Variants in GALNT7 observed in about 807,000 individuals in gnomAD.
GALNT7 encodes the protein polypeptide N-acetylgalactosaminyltransferase 7.
In GALNT7, 60 loss-of-function variants were observed where a neutral mutation model predicts 82.1. The observed-to-expected ratio is 0.73, with a 90% CI of 0.59 to 0.91. GALNT7 has a LOEUF of 0.91. Among genes scored for constraint, GALNT7 ranks in the 40% least tolerant of loss-of-function variants. GALNT7 has a pLI of 0.00. For synonymous variants in GALNT7, 243 were observed against 275.1 expected, an observed-to-expected ratio of 0.88 and a Z score of 1.15; for missense variants, 660 against 804.2, an observed-to-expected ratio of 0.82 and a Z score of 2.17.
intron 1 of GALNT7, among the ~76,000 whole-genome samples, chr4:173,242,566 C>A (rs932807930): frequency 3.9e-5 from 6 of 152,218 alleles, no homozygotes; most frequent in African/African-American, 1.4e-4. Context: ...ATTCCTTGAC[C>A]ATGCCCAGCA....
intron 1 of GALNT7, among the ~76,000 whole-genome samples, chr4:173,216,725 A>ATCTTTTTTTTTTTTT (rs1277080433): frequency 1.2e-4 from 1 of 8,460 alleles, no homozygotes; most frequent in Non-Finnish European, 5.9e-4. Flanking sequence ...ATATATATAT[A>ATCTTTTTTTTTTTTT]TATTTTTTTT....
intron 1 of GALNT7, among the ~76,000 whole-genome samples, chr4:173,176,296 A>C (rs1732040928): frequency 6.6e-6 from 1 of 152,076 alleles, no homozygotes; most frequent in African/African-American, 2.4e-5. Context: ...GAGTTTGTTG[A>C]GTTTGGAGGT....
At chr4:173,193,723 A>G (rs1346499399) in intron 1 of GALNT7, among the ~76,000 whole-genome samples, 1 of 152,132 alleles carries the variant, frequency 6.6e-6, no homozygotes. Context: ...CTCCCAAATA[A>G]TGAGTAGTGT....
intron 1 of GALNT7, among the ~76,000 whole-genome samples, chr4:173,229,930 C>G (rs1356409357): frequency 6.6e-6 from 1 of 151,972 alleles, no homozygotes; most frequent in African/African-American, 2.4e-5. Flanking sequence ...TTGACTGACA[C>G]ATTGGCAGGC....
intron 11 of GALNT7, among the ~76,000 whole-genome samples, chr4:173,319,526 CAA>C (rs3836662): frequency 1.4e-5 from 2 of 147,206 alleles, no homozygotes; most frequent in East Asian, 2.0e-4. Context: ...TTTATTTTCA[CAA>C]AAAAAAAGGA....
At chr4:173,254,420 T>C (rs1476084315) in intron 2 of GALNT7, among the ~76,000 whole-genome samples, 1 of 152,224 alleles carries the variant, frequency 6.6e-6, no homozygotes, top group African/African-American at 2.4e-5. Flanking sequence ...TGCTATAATT[T>C]ATAAAATGGT....
chr4:173,270,341 T>C (rs1245478237), intron 2 of GALNT7, among the ~76,000 whole-genome samples: 1 of 152,204 alleles, frequency 6.6e-6, no homozygotes, highest in Non-Finnish European at 1.5e-5. Context: ...ATTGCTCCTA[T>C]GAAATCTTGA....
At chr4:173,186,117 G>T (rs1270368850) in intron 1 of GALNT7, among the ~76,000 whole-genome samples, 1 of 152,156 alleles carries the variant, frequency 6.6e-6, no homozygotes, top group African/African-American at 2.4e-5. Flanking sequence ...TCATGGGGTT[G>T]GGGAGTCTGA....
chr4:173,232,300 G>T (rs190317666), intron 1 of GALNT7, among the ~76,000 whole-genome samples: 1 of 152,086 alleles, frequency 6.6e-6, no homozygotes, highest in Admixed American at 6.5e-5. Context: ...ACATATACTA[G>T]AAAGCAGTGG....
chr4:173,191,026 G>C (rs1192113477), intron 1 of GALNT7, among the ~76,000 whole-genome samples: 1 of 151,734 alleles, frequency 6.6e-6, no homozygotes, highest in Non-Finnish European at 1.5e-5. Context: ...AGCATTGAGA[G>C]GTAGGTCTTA....
At chr4:173,176,285 G>C (rs73870531) in intron 1 of GALNT7, among the ~76,000 whole-genome samples, 2,372 of 152,236 alleles carry the variant, frequency 0.016, 51 homozygotes, top group African/African-American at 0.053. Context: ...CAGTATGGCC[G>C]GAGTTTGTTG....
intron 1 of GALNT7, among the ~76,000 whole-genome samples, chr4:173,210,057 C>G (rs536335185): frequency 6.6e-6 from 1 of 152,108 alleles, no homozygotes; most frequent in South Asian, 2.1e-4. Flanking sequence ...TCGCTTGAAC[C>G]CGGGAGGCCG....
Position 173,242,525 on chromosome 4 carries a change from C to T in GALNT7, c.127-5455C>T, listed in dbSNP as rs953590164. 5.9e-5 allele frequency among the ~76,000 whole-genome samples: 9 copies of T among 152,296 alleles called. 1 individual carries two copies. Among genetic ancestry groups the T allele is most frequent in the Admixed American group, 5.9e-4 (9 of 15,310 alleles). On this transcript the variant is annotated intron_variant, in intron 1 of 11. Transcript: ENST00000265000. ...GGTAAGGTCTCTGTTTAATCTTGGG[C>T]TTATCCATTTTAAGCCCTGATTAAG... is the stretch of plus-strand genomic sequence containing the variant.
intron 1 of GALNT7, among the ~76,000 whole-genome samples, chr4:173,191,577 G>A (rs76666164): frequency 0.014 from 2,109 of 152,278 alleles, 42 homozygotes; most frequent in East Asian, 0.062. Context: ...AGTTCAGCTG[G>A]AAGATATTGT....
intron 2 of GALNT7, among the ~76,000 whole-genome samples, chr4:173,258,619 T>C (rs1735131117): frequency 6.6e-6 from 1 of 152,228 alleles, no homozygotes; most frequent in African/African-American, 2.4e-5. Flanking sequence ...TTAAATGTAC[T>C]ATCTCCTGTG....
In GALNT7 at chr4:173,215,955, AAAAAAT is replaced by A. The variant is rs1485342957; in HGVS notation, c.127-32015_127-32010del. Among the ~76,000 whole-genome samples, 8 of 152,180 alleles carry A rather than the reference AAAAAAT, an allele frequency of 5.3e-5. No homozygotes were observed. The Middle Eastern group carries it at 0.01, about 194-fold the overall frequency. On this transcript the variant is annotated intron_variant, in intron 1 of 11. Transcript: ENST00000265000. ...GAAACCCCTTCTCTCTCTAAAAATA[AAAAAAT>A]AAAAATAAAGAAATCAGCCGGGCAT...
In GALNT7 at chr4:173,303,858, A is replaced by G. The variant is rs1328487679; in HGVS notation, c.1267-138A>G. 4.2e-6 allele frequency: 3 copies of G among 710,400 alleles called. No homozygotes were observed. The African/African-American group carries it at 5.5e-5, about 13-fold the overall frequency. The allele number at this position is 710,400 out of a possible 1,614,324, so 44.0% of individuals were successfully genotyped here. A position where few individuals can be genotyped will look rare whatever the true frequency, so the allele number is the denominator to read the frequency against. ...TGAGCTTTTAAAAGCAAATTATTTT[A>G]GGATTTGTTTAGTTTAAGAATTCTG... On this transcript the variant is annotated intron_variant, in intron 7 of 11. Transcript: ENST00000265000.
At chr4:173,226,650 TCTTCTGTGTGAA>T (rs1561162579) in intron 1 of GALNT7, among the ~76,000 whole-genome samples, 1 of 152,144 alleles carries the variant, frequency 6.6e-6, no homozygotes, top group Admixed American at 6.5e-5. Context: ...CAACTGTCTG[TCTTCTGTGTGAA>T]CTTGGAGGCA....
intron 2 of GALNT7, among the ~76,000 whole-genome samples, chr4:173,274,340 AT>A (rs1437699347): frequency 1.3e-5 from 2 of 152,230 alleles, no homozygotes; most frequent in Non-Finnish European, 2.9e-5. Context: ...TTAAACTGAC[AT>A]TCTCTGAGCT....
Sources: allele counts gnomAD v4.1 joint callset (sites outside exome capture counted in the v4.1 genomes callset), GRCh38; gene constraint gnomAD v4.1.1; transcripts MANE v1.5; gene names NCBI Gene and HGNC (gene_info 2026-07-23, HGNC 2026-07-21).